Variants in LPAR1 observed in about 807,000 individuals in gnomAD.
LPAR1 encodes LPA receptor 1.
Under a neutral mutation model 23.8 loss-of-function variants are expected in LPAR1, and 5 were observed. That is an observed-to-expected ratio of 0.21 (90% confidence interval 0.11 to 0.44). LPAR1 has a LOEUF of 0.44. LPAR1 is among the 20% of genes least tolerant of loss of function. The pLI is 0.99. For missense variants in LPAR1, 311 were observed against 482.8 expected (o/e 0.64, Z 3.33); for synonymous variants, 160 against 164.7 (o/e 0.97, Z 0.22).
At chr9:110,889,942 A>G (rs1192424606) in intron 5 of LPAR1, among the ~76,000 whole-genome samples, 2 of 152,232 alleles carry the variant, frequency 1.3e-5, no homozygotes, top group Non-Finnish European at 2.9e-5. Context: ...AGTTGAGCAA[A>G]AATATATAAC....
chr9:110,967,225 T>C (rs908323891), intron 4 of LPAR1, among the ~76,000 whole-genome samples: 1 of 152,176 alleles, frequency 6.6e-6, no homozygotes, highest in Non-Finnish European at 1.5e-5. Context: ...AAGAGCTAGG[T>C]GCTCTCTCAG....
intron 4 of LPAR1, among the ~76,000 whole-genome samples, chr9:110,959,677 C>T (rs1229782756): frequency 2.6e-5 from 4 of 151,886 alleles, no homozygotes; most frequent in Non-Finnish European, 4.4e-5. Context: ...ATCAGTATAT[C>T]AAAAGGATAC....
At chr9:111,017,760 G>T (rs900804134) in intron 2 of LPAR1, among the ~76,000 whole-genome samples, 1 of 152,140 alleles carries the variant, frequency 6.6e-6, no homozygotes, top group African/African-American at 2.4e-5. Context: ...AGTGGCTCAC[G>T]CCTATAATCT....
chr9:111,010,047 G>GATA (rs2097303989), intron 2 of LPAR1, among the ~76,000 whole-genome samples: 1 of 85,414 alleles, frequency 1.2e-5, no homozygotes, highest in African/African-American at 5.0e-5. Flanking sequence ...ATATATATAT[G>GATA]GATACATAGA....
At chr9:111,005,447 C>T (rs2097198239) in intron 2 of LPAR1, among the ~76,000 whole-genome samples, 1 of 143,518 alleles carries the variant, frequency 7.0e-6, no homozygotes, top group Non-Finnish European at 1.5e-5. Context: ...ACTCGGGAGG[C>T]TGAGGTGAGA....
rs1051887081 is a variant in LPAR1, at chr9:110,874,203, A to T, written c.*1218T>A. The T allele has an allele frequency of 2.8e-4, 43 of 152,762 alleles. No homozygotes were observed. The highest frequency in any genetic ancestry group is 9.6e-4 in the African/African-American group (40 of 41,578). The allele number at this position is 152,762 out of a possible 1,614,324, so 9.5% of individuals were successfully genotyped here. Reference sequence around the variant, plus strand: ...CACCAAATTTCTGCAACTTTATAATAATGAAAATTAGAAACAACCTAAATA... The same window carrying T: ...CACCAAATTTCTGCAACTTTATAATTATGAAAATTAGAAACAACCTAAATA... On this transcript the variant is annotated 3_prime_UTR_variant, in exon 6 of 6. Transcript: ENST00000683809.
upstream of LPAR1, among the ~76,000 whole-genome samples, chr9:111,038,890 A>G (rs2097950627): frequency 6.6e-6 from 1 of 151,898 alleles, no homozygotes; most frequent in Non-Finnish European, 1.5e-5. The surrounding 1 kb of genome is among the most constrained non-coding windows in gnomAD (Gnocchi z 4.4). Flanking sequence ...GACAGCTGGC[A>G]GGACTCCGGT....
Position 110,949,660 on chromosome 9 carries a change from A to G in LPAR1, c.46-7492T>C, listed in dbSNP as rs199980561. ...TAAGAAGCCAGTAGAATCATCTTAC[A>G]AGAACAAACAAGGAGAGTAAGAACA... is the stretch of plus-strand genomic sequence containing the variant. On this transcript the variant is annotated intron_variant, in intron 4 of 5. Transcript: ENST00000683809. Among the ~76,000 whole-genome samples the G allele has an allele frequency of 4.6e-5, 7 of 152,332 alleles. No individual in the cohort carries two copies. In the East Asian group the frequency reaches 1.2e-3, roughly 25 times the overall value.
chr9:110,939,112 G>A (rs1311472294), intron 5 of LPAR1, among the ~76,000 whole-genome samples: 1 of 152,082 alleles, frequency 6.6e-6, no homozygotes, highest in African/African-American at 2.4e-5. Context: ...CCTACATTAT[G>A]ACAAGACCAA....
rs572414660 is a variant in LPAR1 at position 110,929,888 on chromosome 9, C to G, written c.793+11533G>C. 5.3e-5 allele frequency among the ~76,000 whole-genome samples: 8 copies of G among 152,090 alleles called. No homozygotes were observed. In the South Asian group the frequency reaches 6.2e-4, roughly 12 times the overall value. On this transcript the variant is annotated intron_variant, in intron 5 of 5. Transcript: ENST00000683809. Reference sequence around the variant, plus strand: ...AATTCATATGTGTGCCTCCTATGTTCATTCTCATTTTTTCAATCTGTATCA... The same window carrying G: ...AATTCATATGTGTGCCTCCTATGTTGATTCTCATTTTTTCAATCTGTATCA...
At chr9:110,982,513 A>C (rs2096690658) in intron 2 of LPAR1, among the ~76,000 whole-genome samples, 1 of 152,010 alleles carries the variant, frequency 6.6e-6, no homozygotes, top group Non-Finnish European at 1.5e-5. Flanking sequence ...CATTAGGAGA[A>C]ATACCTAATG....
rs73657230 is a variant in LPAR1 at position 111,023,166 on chromosome 9, A to G, written c.-182+12956T>C. ...CCATCTCCCCCAAAAAATCCTTGAC[A>G]TTCCTATTTGACTTTTGTCAAGTAA... is the stretch of plus-strand genomic sequence containing the variant. On this transcript the variant is annotated intron_variant, in intron 2 of 5. Coordinates refer to ENST00000683809, the MANE Select transcript of LPAR1 (RefSeq NM_001351411.2). 9.6e-3 allele frequency among the ~76,000 whole-genome samples: 1,468 copies of G among 152,162 alleles called. 22 individuals are homozygous for G. The highest frequency in any genetic ancestry group is 0.033 in the African/African-American group (1,373 of 41,480).
chr9:110,942,969 T>C (rs372378086), intron 4 of LPAR1, among the ~76,000 whole-genome samples: 5 of 151,512 alleles, frequency 3.3e-5, no homozygotes, highest in East Asian at 1.9e-4. Flanking sequence ...ACATGTTTAC[T>C]TATTCTTCAA....
intron 5 of LPAR1, among the ~76,000 whole-genome samples, chr9:110,897,603 C>G (rs2086885509): frequency 6.6e-6 from 1 of 152,174 alleles, no homozygotes; most frequent in Admixed American, 6.5e-5. Flanking sequence ...GAATGTGGAA[C>G]AGCATTTGGC....
At chr9:110,954,302 A>G (rs1368410866) in intron 4 of LPAR1, among the ~76,000 whole-genome samples, 1 of 152,234 alleles carries the variant, frequency 6.6e-6, no homozygotes, top group African/African-American at 2.4e-5. Context: ...AGAATGAACA[A>G]AGCCTATGTG....
chr9:111,021,847 G>A (rs1003571385), intron 2 of LPAR1, among the ~76,000 whole-genome samples: 19 of 151,682 alleles, frequency 1.3e-4, no homozygotes, highest in African/African-American at 4.4e-4. Context: ...TGTAATCCCA[G>A]CTACTCAAGA....
intron 2 of LPAR1, among the ~76,000 whole-genome samples, chr9:111,029,448 T>A (rs1429735464): frequency 1.3e-5 from 2 of 152,030 alleles, no homozygotes; most frequent in Non-Finnish European, 1.5e-5. Flanking sequence ...GTCCCACCAC[T>A]TCCTGCCACA....
At chr9:110,926,569 C>T in intron 5 of LPAR1, among the ~76,000 whole-genome samples, 1 of 152,000 alleles carries the variant, frequency 6.6e-6, no homozygotes, top group East Asian at 1.9e-4. Context: ...ACAAATTTTC[C>T]TAGGGTGATA....
rs567866501 is a variant in LPAR1 at position 111,028,505 on chromosome 9, T to C, written c.-182+7617A>G. Reference sequence around the variant, plus strand: ...TGAGTATAATTTAAAAGAATCATAATGGCTTAGAAAAAAGAAAACTAAGAA... The same window carrying C: ...TGAGTATAATTTAAAAGAATCATAACGGCTTAGAAAAAAGAAAACTAAGAA... On this transcript the variant is annotated intron_variant, in intron 2 of 5. Coordinates refer to ENST00000683809, the MANE Select transcript of LPAR1 (RefSeq NM_001351411.2). 3.3e-5 allele frequency among the ~76,000 whole-genome samples: 5 copies of C among 152,254 alleles called. No homozygotes were observed. The East Asian group carries it at 9.6e-4, about 29-fold the overall frequency.
Sources: gnomAD v4.1 joint callset for allele counts (sites outside exome capture counted in the v4.1 genomes callset) on GRCh38, gnomAD v4.1.1 for gene constraint, Gnocchi (gnomAD v3.1) non-coding constraint, MANE v1.5 for transcripts, NCBI Gene and HGNC (gene_info 2026-07-23, HGNC 2026-07-21) for gene names.